The following CWH43 variants were observed in gnomAD, a reference collection of about 807,000 sequenced individuals.
CWH43 encodes the protein PGAP2-interacting protein.
In CWH43, 91 loss-of-function variants were observed where a neutral mutation model predicts 85.7. That is an observed-to-expected ratio of 1.06 (90% CI 0.90 to 1.26). The LOEUF is 1.26. CWH43 is among the 50% of genes most tolerant of loss of function. CWH43 has a pLI of 0.00. For missense variants in CWH43, 869 were observed against 839.2 expected (o/e 1.04, Z -0.44); for synonymous variants, 323 against 293.6 (o/e 1.10, Z -1.02).
At chr4:49,014,711 A>G (rs192079325) in intron 8 of CWH43, among the ~76,000 whole-genome samples, 2 of 152,280 alleles carry the variant, frequency 1.3e-5, no homozygotes, top group African/African-American at 4.8e-5. Context: ...TGTGATTAAA[A>G]AAAGACAAGT....
chr4:49,043,638 A>G (rs1024675109), intron 13 of CWH43, among the ~76,000 whole-genome samples: 1 of 152,222 alleles, frequency 6.6e-6, no homozygotes, highest in African/African-American at 2.4e-5. Flanking sequence ...CTGCAGTCTT[A>G]AAACTTTATA....
At chr4:49,006,661 A>AC (rs1783166806) in intron 7 of CWH43, among the ~76,000 whole-genome samples, 1 of 152,154 alleles carries the variant, frequency 6.6e-6, no homozygotes, top group Non-Finnish European at 1.5e-5. Flanking sequence ...AGTTTGTTGC[A>AC]TATCCCAATT....
chr4:49,035,694 A>C (rs897058168), intron 12 of CWH43, among the ~76,000 whole-genome samples: 12 of 151,946 alleles, frequency 7.9e-5, no homozygotes, highest in Admixed American at 1.3e-4. Flanking sequence ...TTCTGTCTTG[A>C]CCTCTTTCCT....
intron 8 of CWH43, among the ~76,000 whole-genome samples, chr4:49,015,155 G>A (rs138940123): frequency 1.9e-4 from 29 of 151,960 alleles, no homozygotes; most frequent in African/African-American, 6.8e-4. Context: ...CATGATTTCT[G>A]AATGTATATT....
rs774313478 is a variant in CWH43, at chr4:48,994,608, T to G, written c.512-11T>G. On this transcript the variant is annotated splice_polypyrimidine_tract_variant and intron_variant, in intron 4 of 15. Transcript: ENST00000226432. ...CTAAACTTTTTCCATATATGTATTT[T>G]TAAATTCTAGATGGTGACTGCAGTA... 1 of 1,603,598 alleles carries G rather than the reference T, an allele frequency of 6.2e-7. No homozygotes were observed. Among genetic ancestry groups the G allele is most frequent in the South Asian group, 1.1e-5 (1 of 88,966 alleles).
intron 14 of CWH43, among the ~76,000 whole-genome samples, chr4:49,047,404 G>C (rs193170189): frequency 2.2e-3 from 329 of 152,286 alleles, no homozygotes; most frequent in African/African-American, 7.4e-3. Context: ...AATAATTGCA[G>C]GATGATCTAT....
chr4:49,003,724 C>T lies in CWH43; in HGVS notation c.803-11C>T. The T allele has an allele frequency of 1.2e-6, 2 of 1,613,256 alleles. No homozygotes were observed. Among genetic ancestry groups the T allele is most frequent in the Non-Finnish European group, 1.7e-6 (2 of 1,179,568 alleles). ...GCTTTCCTGTCTGATTCTTTTCTCT[C>T]TCACAAACAGGAACAGCTTCAGCTG... On this transcript the variant is annotated splice_polypyrimidine_tract_variant and intron_variant, in intron 6 of 15. Transcript: ENST00000226432.
chr4:49,000,321 G>T (rs1350929334), intron 6 of CWH43, among the ~76,000 whole-genome samples: 1 of 152,192 alleles, frequency 6.6e-6, no homozygotes, highest in African/African-American at 2.4e-5. Context: ...AGGTTGGCCA[G>T]GTCCTCTTCC....
chr4:49,007,105 G>C (rs1464829147), intron 7 of CWH43, 96 bp from the exon 8 acceptor site: 14 of 1,375,658 alleles, frequency 1.0e-5, no homozygotes, highest in Middle Eastern at 2.1e-4. Context: ...AATTTCCAGG[G>C]TATGTTCCTT....
intron 15 of CWH43, among the ~76,000 whole-genome samples, chr4:49,057,282 G>A (rs779924971): frequency 6.6e-6 from 1 of 152,206 alleles, no homozygotes; most frequent in Non-Finnish European, 1.5e-5. Context: ...TACATAAGAT[G>A]AACATTGGTT....
intron 12 of CWH43, among the ~76,000 whole-genome samples, chr4:49,034,136 G>C (rs1051192623): frequency 6.6e-6 from 1 of 152,108 alleles, no homozygotes; most frequent in African/African-American, 2.4e-5. Flanking sequence ...AGAGTGTTTG[G>C]AGGATGGATG....
At chr4:49,038,837 TC>T (rs1784345982) in intron 13 of CWH43, among the ~76,000 whole-genome samples, 1 of 151,884 alleles carries the variant, frequency 6.6e-6, no homozygotes, top group Non-Finnish European at 1.5e-5. Context: ...GGCGGGCGGA[TC>T]ACGAGGTCAG....
At chr4:48,996,195 T>A (rs1403989055) in intron 5 of CWH43, among the ~76,000 whole-genome samples, 2 of 152,066 alleles carry the variant, frequency 1.3e-5, no homozygotes, top group African/African-American at 4.8e-5. Flanking sequence ...GCACAAACAT[T>A]TTCTCTGTGA....
Position 49,037,171 on chromosome 4 carries a change from G to T in CWH43, c.1659-865G>T, listed in dbSNP as rs149100927. 7.7e-3 allele frequency among the ~76,000 whole-genome samples: 1,165 copies of T among 152,238 alleles called. 10 individuals carry two copies. The highest frequency in any genetic ancestry group is 0.014 in the Non-Finnish European group (922 of 68,016). On this transcript the variant is annotated intron_variant, in intron 12 of 15. Coordinates refer to ENST00000226432, the MANE Select transcript of CWH43 (RefSeq NM_025087.3). Reference sequence around the variant, plus strand: ...TTTCCCCTAAACTCCCCAGAAGCTTGATGTACCCACCTAAGTATCTCAGTT... The same window carrying T: ...TTTCCCCTAAACTCCCCAGAAGCTTTATGTACCCACCTAAGTATCTCAGTT...
At chr4:48,996,697 A>G (rs1312219925) in intron 5 of CWH43, among the ~76,000 whole-genome samples, 1 of 152,160 alleles carries the variant, frequency 6.6e-6, no homozygotes, top group African/African-American at 2.4e-5. Context: ...AGTCCTGGTA[A>G]CCAGGAGAAA....
chr4:49,041,519 G>T (rs1235091126), intron 13 of CWH43, among the ~76,000 whole-genome samples: 1 of 152,186 alleles, frequency 6.6e-6, no homozygotes, highest in African/African-American at 2.4e-5. Context: ...GTGAATGGGA[G>T]TTCACTCATG....
intron 15 of CWH43, among the ~76,000 whole-genome samples, chr4:49,060,912 A>G (rs544246742): frequency 6.6e-6 from 1 of 152,266 alleles, no homozygotes; most frequent in Non-Finnish European, 1.5e-5. Flanking sequence ...ATCTGTGTGT[A>G]TATGTGTGTT....
chr4:49,024,677 C>T (rs1783851233), intron 9 of CWH43, among the ~76,000 whole-genome samples: 1 of 152,108 alleles, frequency 6.6e-6, no homozygotes, highest in African/African-American at 2.4e-5. Context: ...AAAGATAGGA[C>T]CCTAATCTAT....
At chr4:49,056,960 A>T (rs1784984462) in intron 15 of CWH43, among the ~76,000 whole-genome samples, 1 of 152,164 alleles carries the variant, frequency 6.6e-6, no homozygotes, top group Admixed American at 6.5e-5. Context: ...TGAATTTTCC[A>T]ATTTTCCTCT....
Sources: allele counts gnomAD v4.1 joint callset (sites outside exome capture counted in the v4.1 genomes callset), GRCh38; gene constraint gnomAD v4.1.1; transcripts MANE v1.5; gene names NCBI Gene and HGNC (gene_info 2026-07-23, HGNC 2026-07-21).